Variants in ATG5 observed in about 807,000 individuals in gnomAD.
ATG5 encodes the protein autophagy protein 5.
Under a neutral mutation model 36.5 loss-of-function variants are expected in ATG5, and 14 were observed. The ratio of observed to expected loss-of-function variants is 0.38; its 90% confidence interval spans 0.25 to 0.60. The LOEUF (loss-of-function observed/expected upper bound fraction) is 0.60, where lower values mean the gene tolerates loss of function less well. Among genes scored for constraint, ATG5 ranks in the 20% least tolerant of loss-of-function variants. The probability of loss-of-function intolerance (pLI) is 0.60; values close to 1 mark genes in which losing one functional copy is unlikely to be tolerated. For missense variants in ATG5, 195 were observed against 326.7 expected (o/e 0.60, Z 3.11); for synonymous variants, 95 against 101.5 (o/e 0.94, Z 0.38).
At chr6:106,248,040 A>T in intron 6 of ATG5, 110 bp downstream of exon 6, 1 of 791,490 alleles carries the variant, frequency 1.3e-6, no homozygotes. Flanking sequence ...GAAAACCCCT[A>T]ATAAATACCG....
intron 7 of ATG5, among the ~76,000 whole-genome samples, chr6:106,199,405 G>T (rs1331989181): frequency 6.6e-6 from 1 of 152,164 alleles, no homozygotes; most frequent in Non-Finnish European, 1.5e-5. Flanking sequence ...ATGGACACTT[G>T]CTTCAATACG....
At chr6:106,229,420 G>C (rs1221690541) in intron 6 of ATG5, among the ~76,000 whole-genome samples, 3 of 151,982 alleles carry the variant, frequency 2.0e-5, no homozygotes, top group Non-Finnish European at 2.9e-5. Flanking sequence ...GAGACAGAGA[G>C]AGAGAGAGAC....
At chr6:106,287,585 CCAT>C (rs1339586003) in intron 4 of ATG5, among the ~76,000 whole-genome samples, 1 of 152,078 alleles carries the variant, frequency 6.6e-6, no homozygotes, top group Non-Finnish European at 1.5e-5. Flanking sequence ...CAAATCAGCA[CCAT>C]GTTACCAAGA....
intron 5 of ATG5, among the ~76,000 whole-genome samples, chr6:106,259,592 T>C (rs1459086862): frequency 6.6e-6 from 1 of 152,242 alleles, no homozygotes; most frequent in Non-Finnish European, 1.5e-5. Context: ...TCACTTCCTA[T>C]ATTTCCCTTC....
intron 1 of ATG5, among the ~76,000 whole-genome samples, chr6:106,323,419 C>G (rs1010857631): frequency 1.3e-5 from 2 of 151,326 alleles, no homozygotes; most frequent in Non-Finnish European, 2.9e-5. Context: ...GGACTACAGG[C>G]TCATGCCACT....
At chr6:106,199,619 G>A (rs1405908345) in intron 7 of ATG5, among the ~76,000 whole-genome samples, 1 of 152,154 alleles carries the variant, frequency 6.6e-6, no homozygotes, top group Non-Finnish European at 1.5e-5. Flanking sequence ...AAATTGTGGT[G>A]ATGGTTGCAC....
chr6:106,230,281 T>C (rs1348573539), intron 6 of ATG5, among the ~76,000 whole-genome samples: 1 of 152,304 alleles, frequency 6.6e-6, no homozygotes, highest in South Asian at 2.1e-4. Context: ...AGCTTACTTA[T>C]ACCCTCTCTG....
chr6:106,276,288 C>G (rs1366007546), intron 5 of ATG5, among the ~76,000 whole-genome samples: 1 of 152,038 alleles, frequency 6.6e-6, no homozygotes, highest in Non-Finnish European at 1.5e-5. Context: ...CATGGTGAAA[C>G]CCCGTCTCTA....
chr6:106,200,352 T>G (rs762292296), intron 7 of ATG5, among the ~76,000 whole-genome samples: 1 of 152,308 alleles, frequency 6.6e-6, no homozygotes, highest in Non-Finnish European at 1.5e-5. Context: ...CAGAATACAT[T>G]CGTAAGAAAC....
intron 7 of ATG5, among the ~76,000 whole-genome samples, chr6:106,198,667 C>T (rs750621414): frequency 5.3e-5 from 8 of 151,966 alleles, no homozygotes; most frequent in Non-Finnish European, 4.4e-5. Flanking sequence ...ATCCCAGCTA[C>T]TAGGGAGGCT....
At chr6:106,245,000 T>C (rs1778275166) in intron 6 of ATG5, among the ~76,000 whole-genome samples, 1 of 152,214 alleles carries the variant, frequency 6.6e-6, no homozygotes, top group African/African-American at 2.4e-5. Context: ...TTACAAGTGC[T>C]AAATAACATT....
At chr6:106,209,039 G>A (rs1171821172) in intron 6 of ATG5, among the ~76,000 whole-genome samples, 1 of 152,130 alleles carries the variant, frequency 6.6e-6, no homozygotes, top group African/African-American at 2.4e-5. Flanking sequence ...CCAAATGCTG[G>A]TGCGCATGTG....
At chr6:106,230,746 A>G (rs1777650999) in intron 6 of ATG5, among the ~76,000 whole-genome samples, 1 of 152,126 alleles carries the variant, frequency 6.6e-6, no homozygotes, top group Non-Finnish European at 1.5e-5. Context: ...GCTAAGAAAA[A>G]AAAGACATAT....
At chr6:106,300,589 C>G in intron 3 of ATG5, among the ~76,000 whole-genome samples, 1 of 152,056 alleles carries the variant, frequency 6.6e-6, no homozygotes, top group Middle Eastern at 3.2e-3. Flanking sequence ...CTTACACAAA[C>G]CTAGATGCCA....
At chr6:106,303,974 GAAAA>G (rs202110655) in intron 3 of ATG5, among the ~76,000 whole-genome samples, 1 of 124,880 alleles carries the variant, frequency 8.0e-6, no homozygotes, top group African/African-American at 3.0e-5. Flanking sequence ...CTCCAATAAG[GAAAA>G]AAAAAAAAAG....
intron 4 of ATG5, among the ~76,000 whole-genome samples, chr6:106,280,185 G>T (rs1779824506): frequency 6.7e-6 from 1 of 150,192 alleles, no homozygotes; most frequent in South Asian, 2.1e-4. Flanking sequence ...AAGTCTGGTA[G>T]TTTCTTAAGA....
chr6:106,197,100 C>G (rs1378565330), intron 7 of ATG5, among the ~76,000 whole-genome samples: 3 of 152,170 alleles, frequency 2.0e-5, no homozygotes, highest in Non-Finnish European at 4.4e-5. Context: ...GAACACATTA[C>G]TTCCAAAGTT....
chr6:106,274,503 C>T (rs1243780982), intron 5 of ATG5, among the ~76,000 whole-genome samples: 1 of 152,120 alleles, frequency 6.6e-6, no homozygotes. Context: ...TCTACAAGTG[C>T]AGTTCTAAAT....
intron 6 of ATG5, among the ~76,000 whole-genome samples, chr6:106,219,930 T>C (rs1777177285): frequency 1.3e-5 from 2 of 152,280 alleles, no homozygotes; most frequent in Middle Eastern, 3.4e-3. Flanking sequence ...CACCATTCCA[T>C]TGATAAGCGA....
Sources: gnomAD v4.1 joint callset for allele counts (sites outside exome capture counted in the v4.1 genomes callset) on GRCh38, gnomAD v4.1.1 for gene constraint, MANE v1.5 for transcripts, NCBI Gene and HGNC (gene_info 2026-07-23, HGNC 2026-07-21) for gene names.